CACNA1A: variants seen among roughly 807,000 people sequenced by gnomAD.
CACNA1A encodes the protein calcium voltage-gated channel subunit alpha1 A.
Under a neutral mutation model 262.4 loss-of-function variants are expected in CACNA1A, and 57 were observed. The observed-to-expected ratio is 0.22, with a 90% CI of 0.18 to 0.27. The LOEUF is 0.27. CACNA1A is among the 10% of genes least tolerant of loss of function. CACNA1A has a pLI of 1.00. For missense variants in CACNA1A, 2,526 were observed against 3,562.8 expected (o/e 0.71, Z 7.41); for synonymous variants, 1,431 against 1,419.3 (o/e 1.01, Z -0.18).
At chr19:13,267,497 C>T (rs915172883) in intron 24 of CACNA1A, among the ~76,000 whole-genome samples, 5 of 152,174 alleles carry the variant, frequency 3.3e-5, no homozygotes, top group African/African-American at 9.7e-5. Context: ...GGTGAATTCA[C>T]CACGGAAAGT....
intron 1 of CACNA1A, among the ~76,000 whole-genome samples, chr19:13,464,750 G>T (rs183388114): frequency 1.3e-5 from 2 of 151,132 alleles, no homozygotes; most frequent in African/African-American, 2.4e-5. Context: ...GGGTTTCACC[G>T]TGTTAGCCAG....
At chr19:13,385,135 A>G (rs1298750570) in intron 3 of CACNA1A, among the ~76,000 whole-genome samples, 1 of 152,130 alleles carries the variant, frequency 6.6e-6, no homozygotes. Context: ...TGGCTGGTGC[A>G]TACATACATA....
In CACNA1A at chr19:13,294,487, C is replaced by CTTTTTTTTTTT. The variant is rs780908964; in HGVS notation, c.3089+4046_3089+4056dup. 1.9e-4 allele frequency among the ~76,000 whole-genome samples: 14 copies of CTTTTTTTTTTT among 72,524 alleles called. 2 individuals carry two copies. The highest frequency in any genetic ancestry group is 7.8e-4 in the African/African-American group (12 of 15,308). 47.6% of individuals were successfully genotyped at this position (72,524 alleles called of 152,430 possible). A position where few individuals can be genotyped will look rare whatever the true frequency, so the allele number is the denominator to read the frequency against. On this transcript the variant is annotated intron_variant, in intron 19 of 46. Coordinates refer to ENST00000360228, the MANE Select transcript of CACNA1A (RefSeq NM_001127222.2). ...TACAGGTGCATACCACTGTACCTGG[C>CTTTTTTTTTTT]TTTTTTTTTTTTTTTTTTTTTTTGA...
At position 13,423,009 on chromosome 19, in the gene CACNA1A, G is replaced by A. The variant is rs73922396; in HGVS notation, c.539+29867C>T. 3.8e-3 allele frequency among the ~76,000 whole-genome samples: 575 copies of A among 152,274 alleles called. 5 individuals carry two copies. Among genetic ancestry groups the A allele is most frequent in the African/African-American group, 0.013 (527 of 41,562 alleles). On this transcript the variant is annotated intron_variant, in intron 3 of 46. Coordinates refer to ENST00000360228, the MANE Select transcript of CACNA1A (RefSeq NM_001127222.2). Reference sequence around the variant, plus strand: ...GAATTTCACAGCTTTTCTGGGTCCCGTGAGCCCTTTTAGCAAACCTTCAAA... The same window carrying A: ...GAATTTCACAGCTTTTCTGGGTCCCATGAGCCCTTTTAGCAAACCTTCAAA...
rs1568586100 is a variant in CACNA1A, at chr19:13,376,796, T to TGTG, written c.540-5018_540-5017insCAC. Among the ~76,000 whole-genome samples the TGTG allele has an allele frequency of 3.0e-3, 436 of 144,810 alleles. 7 individuals are homozygous for TGTG. Among genetic ancestry groups the TGTG allele is most frequent in the African/African-American group, 0.011 (417 of 38,058 alleles). ...TAACACATAATATATGTGACATATA[T>TGTG]ACACATAATATATGTTATGTGTGAT... On this transcript the variant is annotated intron_variant, in intron 3 of 46. Transcript: ENST00000360228.
chr19:13,217,952 A>T (rs55849613), intron 38 of CACNA1A, among the ~76,000 whole-genome samples: 128 of 131,754 alleles, frequency 9.7e-4, no homozygotes, highest in African/African-American at 1.3e-3. Context: ...TTTTTTTTTT[A>T]AAAAAAAGAG....
intron 1 of CACNA1A, among the ~76,000 whole-genome samples, chr19:13,496,091 C>T (rs79561376): frequency 4.6e-5 from 5 of 107,776 alleles, no homozygotes; most frequent in Non-Finnish European, 8.5e-5. Flanking sequence ...CATCCATCCA[C>T]CCAGACATCC....
chr19:13,212,825 T>TAC lies in CACNA1A; in HGVS notation c.5941-86_5941-85insGT, dbSNP rs1491303204. On this transcript the variant is annotated intron_variant, in intron 40 of 46. Coordinates refer to ENST00000360228, the MANE Select transcript of CACNA1A (RefSeq NM_001127222.2). This position sits in a 1 kb window ranked among gnomAD's most constrained non-coding sequence, Gnocchi z 5.6. ...CCAGAAGGCATTGCGACATCCCCAG[T>TAC]ATACACACACACACACACACACACT... The TAC allele has an allele frequency of 1.2e-4, 64 of 548,554 alleles. No homozygotes were observed. The African/African-American group carries it at 1.4e-3, about 12-fold the overall frequency. The allele number at this position is 548,554 out of a possible 1,614,324, so 34.0% of individuals were successfully genotyped here.
At chr19:13,408,910 A>G (rs73507045) in intron 3 of CACNA1A, among the ~76,000 whole-genome samples, 7,583 of 152,210 alleles carry the variant, frequency 0.05, 657 homozygotes, top group African/African-American at 0.17. Flanking sequence ...GGAGGCAGGG[A>G]CGAGGAAGGA....
rs377309766 is a variant in CACNA1A at position 13,360,071 on chromosome 19, A to G, written c.785-272T>C. On this transcript the variant is annotated intron_variant, in intron 5 of 46. Transcript: ENST00000360228. ...TTTCCTAAACTTTTGAGATGGATGG[A>G]TTAACTGCCTTTAAGGCTATAAATT... 6.8e-5 allele frequency among the ~76,000 whole-genome samples: 10 copies of G among 146,606 alleles called. No individual in the cohort carries two copies. The East Asian group carries it at 1.8e-3, about 27-fold the overall frequency.
rs559709432 is a variant in CACNA1A, at chr19:13,240,294, CTG to C, written c.4951-4566_4951-4565del. Among the ~76,000 whole-genome samples, 157 of 150,910 alleles carry C rather than the reference CTG, an allele frequency of 1.0e-3. 1 individual carries two copies. The highest frequency in any genetic ancestry group is 1.9e-3 in the Non-Finnish European group (131 of 67,662). On this transcript the variant is annotated intron_variant, in intron 31 of 46. Coordinates refer to ENST00000360228, the MANE Select transcript of CACNA1A (RefSeq NM_001127222.2). ...GGTGCATAGACTGTGTGTGCAGTGA[CTG>C]TGTGTGTATAGCGACTGTGTGTTCA...
chr19:13,273,119 C>G (rs1312598510), intron 24 of CACNA1A: 1 of 152,128 alleles, frequency 6.6e-6, no homozygotes, highest in Non-Finnish European at 1.5e-5. Context: ...CATCCGCCAC[C>G]ATGCCTGGCT....
intron 3 of CACNA1A, among the ~76,000 whole-genome samples, chr19:13,383,589 T>C (rs932848408): frequency 3.9e-5 from 6 of 152,184 alleles, no homozygotes; most frequent in African/African-American, 1.4e-4. Flanking sequence ...ACTTCCTTTC[T>C]GTTCTGCCAG....
At chr19:13,344,675 C>G (rs986339880) in intron 6 of CACNA1A, among the ~76,000 whole-genome samples, 5 of 152,318 alleles carry the variant, frequency 3.3e-5, no homozygotes, top group Non-Finnish European at 7.3e-5. Context: ...TAGGTGCTCA[C>G]TAAGCATTAG....
chr19:13,332,736 A>G, intron 9 of CACNA1A, 133 bp downstream of exon 9: 1 of 527,110 alleles, frequency 1.9e-6, no homozygotes, highest in South Asian at 3.3e-5. Flanking sequence ...TGGAAGTCCT[A>G]AAATTCCTCC....
At chr19:13,390,747 C>T (rs1366148581) in intron 3 of CACNA1A, among the ~76,000 whole-genome samples, 5 of 152,052 alleles carry the variant, frequency 3.3e-5, no homozygotes, top group African/African-American at 4.8e-5. Flanking sequence ...AAACTCACAA[C>T]AATTCCATAG....
intron 22 of CACNA1A, among the ~76,000 whole-genome samples, chr19:13,282,265 C>A (rs189502653): frequency 6.6e-6 from 1 of 152,012 alleles, no homozygotes; most frequent in African/African-American, 2.4e-5. Flanking sequence ...CCTACTTAGC[C>A]AGGGCAGCAG....
chr19:13,212,560 T>C lies in CACNA1A; in HGVS notation c.6051-38A>G. Reference sequence around the variant, plus strand: ...CAGAGGCCGGGGTAGCAGTGGGCGCTTGGGCAGCTTCCAGAACGTGGGGAC... The same window carrying C: ...CAGAGGCCGGGGTAGCAGTGGGCGCCTGGGCAGCTTCCAGAACGTGGGGAC... On this transcript the variant is annotated intron_variant, in intron 41 of 46. Coordinates refer to ENST00000360228, the MANE Select transcript of CACNA1A (RefSeq NM_001127222.2). The surrounding 1 kb of genome is among the most constrained non-coding windows in gnomAD (Gnocchi z 5.6). 2.0e-6 allele frequency: 3 copies of C among 1,529,484 alleles called. No homozygotes were observed. Among genetic ancestry groups the C allele is most frequent in the Non-Finnish European group, 1.8e-6 (2 of 1,132,334 alleles). The allele number at this position is 1,529,484 out of a possible 1,614,324, so 94.7% of individuals were successfully genotyped here.
chr19:13,488,995 TTTCTTTTC>T (rs1321370582), intron 1 of CACNA1A, among the ~76,000 whole-genome samples: 232 of 141,578 alleles, frequency 1.6e-3, no homozygotes, highest in African/African-American at 6.6e-3. Context: ...ATTAATTTCT[TTTCTTTTC>T]TTTTTTTTTT....
Sources: gnomAD v4.1 joint callset for allele counts (sites outside exome capture counted in the v4.1 genomes callset) on GRCh38, gnomAD v4.1.1 for gene constraint, Gnocchi (gnomAD v3.1) non-coding constraint, MANE v1.5 for transcripts, NCBI Gene and HGNC (gene_info 2026-07-23, HGNC 2026-07-21) for gene names.